The following FER1L5 variants were observed in gnomAD, a reference collection of about 807,000 sequenced individuals.
The protein encoded by FER1L5 is fer-1-like protein 5.
FER1L5 carries 187 observed loss-of-function variants against 279.9 expected under a neutral mutation model. That is an observed-to-expected ratio of 0.67 (90% confidence interval 0.59 to 0.75). FER1L5 has a LOEUF of 0.75. Ranked by LOEUF, FER1L5 falls within the 30% of genes least tolerant of loss-of-function variation. FER1L5 has a pLI of 0.00. For missense variants in FER1L5, 2,091 were observed against 2,594.4 expected, an observed-to-expected ratio of 0.81 and a Z score of 4.21; for synonymous variants, 921 against 989.7, an observed-to-expected ratio of 0.93 and a Z score of 1.30.
chr2:96,665,193 C>T (rs1205963713), intron 14 of FER1L5, among the ~76,000 whole-genome samples: 1 of 152,168 alleles, frequency 6.6e-6, no homozygotes, highest in East Asian at 1.9e-4. Flanking sequence ...CTTGAGCTCT[C>T]TCATAAGTGC....
intron 42 of FER1L5, among the ~76,000 whole-genome samples, 177 bp downstream of exon 42, chr2:96,699,313 T>C (rs1404180865): frequency 6.6e-6 from 1 of 152,150 alleles, no homozygotes; most frequent in African/African-American, 2.4e-5. Flanking sequence ...GGGCCGGTTC[T>C]ACCCTGTTTC....
chr2:96,692,225 A>AG, intron 31 of FER1L5, 44 bp downstream of exon 31: 1 of 1,542,742 alleles, frequency 6.5e-7, no homozygotes, highest in Non-Finnish European at 8.8e-7. Flanking sequence ...ACAAGGCCTC[A>AG]GGGAGGAGAG....
intron 1 of FER1L5, among the ~76,000 whole-genome samples, chr2:96,644,107 G>T (rs1409491558): frequency 1.3e-5 from 2 of 151,032 alleles, no homozygotes; most frequent in Non-Finnish European, 2.9e-5. Context: ...GGGAGGCGGA[G>T]GTTGCAGTGA....
At position 96,646,138 on chromosome 2, in the gene FER1L5, A is replaced by G. The variant is rs571348291; in HGVS notation, c.86-263A>G. On this transcript the variant is annotated intron_variant, in intron 1 of 52. Transcript: ENST00000624922. ...CTCAGCCTCCCAAGTAGCTGGGACT[A>G]CAGGCGCCCGCCACCACGCCCGGCT... Among the ~76,000 whole-genome samples, 104 of 151,630 alleles carry G rather than the reference A, an allele frequency of 6.9e-4. 1 individual carries two copies. Among genetic ancestry groups the G allele is most frequent in the Non-Finnish European group, 1.1e-3 (78 of 67,978 alleles).
At chr2:96,644,104 G>A (rs1659321686) in intron 1 of FER1L5, among the ~76,000 whole-genome samples, 3 of 150,928 alleles carry the variant, frequency 2.0e-5, no homozygotes, top group Non-Finnish European at 2.9e-5. Flanking sequence ...CCTGGGAGGC[G>A]GAGGTTGCAG....
At chr2:96,652,175 C>A in intron 7 of FER1L5, 155 bp downstream of exon 7, 1 of 1,085,602 alleles carries the variant, frequency 9.2e-7, no homozygotes, top group Non-Finnish European at 1.3e-6. Flanking sequence ...ACTGAAAATA[C>A]AGAACAGTAT....
chr2:96,692,290 GC>G, intron 31 of FER1L5, 109 bp downstream of exon 31: 1 of 1,215,058 alleles, frequency 8.2e-7, no homozygotes. Flanking sequence ...CCCAGCCAGG[GC>G]CCCTGCCTGT....
chr2:96,693,539 G>C lies in FER1L5; in HGVS notation c.3326G>C (p.Ser1109Thr). ...PFIRVVFLNH[S>T]QCTQTLRSSA... Reference sequence around the variant, plus strand: ...ATTCGGGTGGTCTTCCTGAACCACAGCCAGTGCACCCAAACCCTGAGGAGC... The same window carrying C: ...ATTCGGGTGGTCTTCCTGAACCACACCCAGTGCACCCAAACCCTGAGGAGC... The change falls in exon 32 of 53, where the codon AGC becomes ACC. Residue 1109 changes from serine to threonine, a missense_variant. Physicochemically the swap from Ser to Thr is moderately conservative, Grantham distance 58 (BLOSUM62 1). Transcript: ENST00000624922. 6.4e-7 allele frequency: 1 copy of C among 1,551,346 alleles called. No individual in the cohort carries two copies. The highest frequency in any genetic ancestry group is 8.7e-7 in the Non-Finnish European group (1 of 1,146,876).
At chr2:96,675,810 G>A (rs1268039380) in intron 19 of FER1L5, among the ~76,000 whole-genome samples, 2 of 151,878 alleles carry the variant, frequency 1.3e-5, no homozygotes, top group African/African-American at 4.8e-5. Flanking sequence ...TTTCATACAG[G>A]TGGGATTTCA....
Position 96,698,642 on chromosome 2 carries a change from C to T in FER1L5, c.4357-29C>T. 6.4e-7 allele frequency: 1 copy of T among 1,558,868 alleles called. No homozygotes were observed. The stretch of plus-strand genomic sequence containing the variant: ...TACAGAGCTGGCCAGCACTGCCAGG[C>T]TGGGCCCCCAACACCCTCCCCCCGC... On this transcript the variant is annotated intron_variant, in intron 40 of 52. Transcript: ENST00000624922. The surrounding 1 kb of genome is among the most constrained non-coding windows in gnomAD (Gnocchi z 5.5).
intron 9 of FER1L5, among the ~76,000 whole-genome samples, chr2:96,659,313 CCT>C (rs2075747332): frequency 3.9e-5 from 2 of 51,506 alleles, no homozygotes; most frequent in African/African-American, 1.5e-4. Flanking sequence ...TTCCTTCCTT[CCT>C]TCCTTCCTTC....
chr2:96,698,270 A>C lies in FER1L5; in HGVS notation c.4356+114A>C. ...CATTGTGAAGATGGAGCAGGGCTTG[A>C]GAACGTTCTGGGAGTGGAGGAGCAG... On this transcript the variant is annotated intron_variant, in intron 40 of 52. Coordinates refer to ENST00000624922, the MANE Select transcript of FER1L5 (RefSeq NM_001293083.2). This position sits in a 1 kb window ranked among gnomAD's most constrained non-coding sequence, Gnocchi z 5.5. 7.0e-7 allele frequency: 1 copy of C among 1,421,930 alleles called. No homozygotes were observed. The highest frequency in any genetic ancestry group is 1.4e-5 in the South Asian group (1 of 69,028). 88.1% of individuals were successfully genotyped at this position (1,421,930 alleles called of 1,614,324 possible).
chr2:96,674,116 T>G (rs2076425937), intron 19 of FER1L5, among the ~76,000 whole-genome samples: 1 of 152,214 alleles, frequency 6.6e-6, no homozygotes, highest in Admixed American at 6.5e-5. Flanking sequence ...CAATCAATTT[T>G]AGAACATTTC....
At chr2:96,651,223 TTCTTTCTTTCTTTC>T (rs1317141908) in intron 6 of FER1L5, among the ~76,000 whole-genome samples, 43 of 151,288 alleles carry the variant, frequency 2.8e-4, no homozygotes, top group Non-Finnish European at 5.7e-4. Flanking sequence ...GGCTACAACT[TTCTTTCTTTCTTTC>T]TCTTTCTTTC....
Position 96,662,252 on chromosome 2 carries a change from A to G in FER1L5, c.1056A>G (p.Glu352=). 1 of 1,551,578 alleles carries G rather than the reference A, an allele frequency of 6.4e-7. No homozygotes were observed. The highest frequency in any genetic ancestry group is 8.7e-7 in the Non-Finnish European group (1 of 1,146,912). ...HQSVNPQLEV[E]LIGEKLRTHM... is the part of the protein sequence containing the mutation. ...CAGTGAATCCTCAGTTGGAGGTGGAACTAATTGGGGAAAAGGTAAGTGTAG... is the reference window on the plus strand; with the variant it reads ...CAGTGAATCCTCAGTTGGAGGTGGAGCTAATTGGGGAAAAGGTAAGTGTAG... Residue 352 remains glutamate, a synonymous_variant, in exon 13 of 53, where the codon GAA becomes GAG. Transcript: ENST00000624922.
intron 9 of FER1L5, among the ~76,000 whole-genome samples, chr2:96,660,123 T>C (rs1430501808): frequency 1.3e-5 from 2 of 152,194 alleles, no homozygotes; most frequent in South Asian, 2.1e-4. Context: ...TCTCACTGAC[T>C]GGTTGTAAGA....
chr2:96,665,162 A>G (rs1420855828), intron 14 of FER1L5, among the ~76,000 whole-genome samples: 3 of 152,238 alleles, frequency 2.0e-5, no homozygotes, highest in Non-Finnish European at 4.4e-5. Context: ...GTTCTGAGAG[A>G]GAACTTGAGC....
rs925521863 is a variant in FER1L5 at position 96,697,826 on chromosome 2, C to A, written c.4236+65C>A. The A allele has an allele frequency of 1.0e-5, 16 of 1,568,450 alleles. No homozygotes were observed. In the Admixed American group the frequency reaches 2.1e-4, roughly 21 times the overall value. ...CACTGGAGGAGGCCAGCAGAGCTAG[C>A]CTTGATTCCTCTGGGAAGCCTCAAG... On this transcript the variant is annotated intron_variant, in intron 39 of 52. Coordinates refer to ENST00000624922, the MANE Select transcript of FER1L5 (RefSeq NM_001293083.2).
chr2:96,690,504 G>A lies in FER1L5; in HGVS notation c.2658G>A (p.Glu886=), dbSNP rs2077100374. 1.9e-6 allele frequency: 3 copies of A among 1,551,530 alleles called. No individual in the cohort carries two copies. Among genetic ancestry groups the A allele is most frequent in the Non-Finnish European group, 2.6e-6 (3 of 1,147,000 alleles). ...PNTDVNGQPM[E]ARENVKCPQG... ...ACCTGCAGAATGGACAGCCCATGGAGGCCCGGGAGAACGTGAAGTGCCCCC... is the reference window on the plus strand; with the variant it reads ...ACCTGCAGAATGGACAGCCCATGGAAGCCCGGGAGAACGTGAAGTGCCCCC... The change falls in exon 27 of 53, where the codon GAG becomes GAA. Residue 886 remains glutamate (E), a synonymous_variant. Transcript: ENST00000624922.
Sources: gnomAD v4.1 joint callset for allele counts (sites outside exome capture counted in the v4.1 genomes callset) on GRCh38, gnomAD v4.1.1 for gene constraint, Gnocchi (gnomAD v3.1) non-coding constraint, MANE v1.5 for transcripts, NCBI Gene and HGNC (gene_info 2026-07-23, HGNC 2026-07-21) for gene names.